The following SNX30 variants were observed in gnomAD, a reference collection of about 807,000 sequenced individuals.
SNX30 encodes sorting nexin family member 30.
SNX30 carries 24 observed loss-of-function variants against 46.4 expected under a neutral mutation model. The ratio of observed to expected loss-of-function variants is 0.52; its 90% CI spans 0.37 to 0.73. The LOEUF (loss-of-function observed/expected upper bound fraction) is 0.73, where lower values mean the gene tolerates loss of function less well. Ranked by LOEUF, SNX30 falls within the 30% of genes least tolerant of loss-of-function variation. The pLI is 0.00. For synonymous variants in SNX30, 189 were observed against 211.5 expected (o/e 0.89, Z 0.92); for missense variants, 533 against 555.7 (o/e 0.96, Z 0.41).
At chr9:112,841,300 G>C (rs886391841) in intron 6 of SNX30, among the ~76,000 whole-genome samples, 2 of 152,178 alleles carry the variant, frequency 1.3e-5, no homozygotes, top group African/African-American at 2.4e-5. Flanking sequence ...CATATAGCAA[G>C]GATTTATCTG....
rs929135417 is a variant in SNX30 at position 112,787,963 on chromosome 9, AT to A, written c.157-16804del. On this transcript the variant is annotated intron_variant, in intron 1 of 8. Coordinates refer to ENST00000374232, the MANE Select transcript of SNX30 (RefSeq NM_001012994.2). Reference sequence around the variant, plus strand: ...AGACGCATGCCACCACACCTGGCTAATTTTTTTTTGTATGTTTACTAGAAAC... The same window carrying A: ...AGACGCATGCCACCACACCTGGCTAATTTTTTTTGTATGTTTACTAGAAAC... Among the ~76,000 whole-genome samples the A allele has an allele frequency of 1.3e-4, 20 of 151,054 alleles. No individual in the cohort carries two copies. The East Asian group carries it at 2.1e-3, about 16-fold the overall frequency.
At chr9:112,882,573 ACT>A (rs772839023), downstream of SNX30, among the ~76,000 whole-genome samples, 15 of 152,196 alleles carry the variant, frequency 9.9e-5, no homozygotes, top group Non-Finnish European at 1.9e-4. Context: ...TCAGAGGCTA[ACT>A]CAGTCATCCA....
In SNX30 at chr9:112,768,647, CT is replaced by C. The variant is rs58983756; in HGVS notation, c.156+17518del. On this transcript the variant is annotated intron_variant, in intron 1 of 8. Transcript: ENST00000374232. ...AAGTTTCTCTAGATAATTCTTTCTTCTTTTTTTTTTTTTTTTTTTTTTTTTT... is the reference window on the plus strand; with the variant it reads ...AAGTTTCTCTAGATAATTCTTTCTTCTTTTTTTTTTTTTTTTTTTTTTTTT... Among the ~76,000 whole-genome samples, 45 of 64,356 alleles carry C rather than the reference CT, an allele frequency of 7.0e-4. 2 individuals are homozygous for C. Among genetic ancestry groups the C allele is most frequent in the African/African-American group, 2.0e-3 (37 of 18,784 alleles). The allele number at this position is 64,356 out of a possible 152,430, so 42.2% of individuals were successfully genotyped here.
chr9:112,845,289 A>G (rs888350055), intron 6 of SNX30, among the ~76,000 whole-genome samples: 3 of 152,168 alleles, frequency 2.0e-5, no homozygotes, highest in African/African-American at 7.2e-5. Flanking sequence ...ACTTTAAATG[A>G]CTCAAGCTGA....
At chr9:112,766,353 C>CTT (rs11387110) in intron 1 of SNX30, among the ~76,000 whole-genome samples, 19 of 150,282 alleles carry the variant, frequency 1.3e-4, no homozygotes, top group Admixed American at 4.0e-4. Flanking sequence ...AGCACATGTA[C>CTT]TTTTTTTTTT....
intron 2 of SNX30, among the ~76,000 whole-genome samples, chr9:112,808,047 A>G (rs1465249331): frequency 6.6e-6 from 1 of 152,116 alleles, no homozygotes; most frequent in African/African-American, 2.4e-5. Flanking sequence ...TCCTGTTTCT[A>G]ATAGTGACAC....
At chr9:112,758,409 A>T (rs1324132780) in intron 1 of SNX30, among the ~76,000 whole-genome samples, 1 of 151,854 alleles carries the variant, frequency 6.6e-6, no homozygotes, top group East Asian at 1.9e-4. Context: ...GGCTCGCTGC[A>T]ACCTCTGCCT....
chr9:112,866,854 C>T (rs868349530), intron 8 of SNX30, among the ~76,000 whole-genome samples: 3 of 150,206 alleles, frequency 2.0e-5, no homozygotes, highest in Non-Finnish European at 3.0e-5. Flanking sequence ...ACTCCTCCCA[C>T]CTCCTCAGAA....
intron 6 of SNX30, among the ~76,000 whole-genome samples, chr9:112,840,802 C>T (rs1387861714): frequency 4.0e-5 from 5 of 123,968 alleles, no homozygotes; most frequent in Middle Eastern, 8.6e-3. Context: ...TTTTTTGAGA[C>T]GGAGTCCTGC....
chr9:112,816,433 A>G (rs776005567), intron 2 of SNX30, among the ~76,000 whole-genome samples: 1 of 152,236 alleles, frequency 6.6e-6, no homozygotes, highest in Non-Finnish European at 1.5e-5. Context: ...TAAGTCACAA[A>G]TACCTACATT....
intron 2 of SNX30, 60 bp from the exon 3 acceptor site, chr9:112,817,645 C>G (rs1343812427): frequency 1.0e-6 from 1 of 998,536 alleles, no homozygotes; most frequent in Non-Finnish European, 1.6e-6. Flanking sequence ...TTTTTTCCTT[C>G]CCTTCAGCCA....
At chr9:112,883,811 C>T (rs1170590926), downstream of SNX30, among the ~76,000 whole-genome samples, 11 of 151,778 alleles carry the variant, frequency 7.2e-5, no homozygotes, top group Non-Finnish European at 2.9e-5. Flanking sequence ...GATTCTCCTG[C>T]CTCAGCCTCC....
chr9:112,884,606 G>T (rs563346619), downstream of SNX30, among the ~76,000 whole-genome samples: 4 of 152,206 alleles, frequency 2.6e-5, no homozygotes, highest in Non-Finnish European at 5.9e-5. Context: ...TCTCTGGTGG[G>T]TGGGATCCTG....
chr9:112,775,394 C>T (rs1290709995), intron 1 of SNX30, among the ~76,000 whole-genome samples: 1 of 150,824 alleles, frequency 6.6e-6, no homozygotes, highest in African/African-American at 2.4e-5. Context: ...ACCTCAGGCC[C>T]ACCTTGGCCT....
chr9:112,834,835 CACACACAA>C (rs768741842), intron 4 of SNX30, among the ~76,000 whole-genome samples: 11 of 101,522 alleles, frequency 1.1e-4, no homozygotes, highest in African/African-American at 3.2e-4. Flanking sequence ...TAAACACACA[CACACACAA>C]ACACACACAC....
At chr9:112,793,533 T>C (rs956763476) in intron 1 of SNX30, among the ~76,000 whole-genome samples, 6 of 152,200 alleles carry the variant, frequency 3.9e-5, no homozygotes, top group Non-Finnish European at 7.3e-5. Context: ...CCATGTCCTC[T>C]ACTCCCCACT....
intron 8 of SNX30, chr9:112,866,660 A>G (rs1207430030): frequency 9.6e-6 from 4 of 415,064 alleles, no homozygotes; most frequent in Admixed American, 2.8e-5. Context: ...GGCTTGACCT[A>G]GGATGCCTCT....
At chr9:112,840,591 T>G (rs1286330055) in intron 6 of SNX30, among the ~76,000 whole-genome samples, 1 of 152,038 alleles carries the variant, frequency 6.6e-6, no homozygotes, top group Non-Finnish European at 1.5e-5. Context: ...GTTCAAGTGA[T>G]TCTCGTGCCT....
downstream of SNX30, among the ~76,000 whole-genome samples, chr9:112,882,765 CA>C (rs1309635316): frequency 4.6e-5 from 7 of 152,010 alleles, no homozygotes; most frequent in African/African-American, 1.5e-4. Flanking sequence ...ATTGGAAAGA[CA>C]GGAGTGTTAG....
Sources: gnomAD v4.1 joint callset for allele counts (sites outside exome capture counted in the v4.1 genomes callset) on GRCh38, gnomAD v4.1.1 for gene constraint, MANE v1.5 for transcripts, NCBI Gene and HGNC (gene_info 2026-07-23, HGNC 2026-07-21) for gene names.